USP49: variants seen among roughly 807,000 people sequenced by gnomAD.
USP49 encodes the protein ubiquitin carboxyl-terminal hydrolase 49.
USP49 carries 24 observed loss-of-function variants against 58.6 expected under a neutral mutation model. The ratio of observed to expected loss-of-function variants is 0.41; its 90% CI spans 0.30 to 0.58. The LOEUF (loss-of-function observed/expected upper bound fraction) is 0.58, where lower values mean the gene tolerates loss of function less well. USP49 is among the 20% of genes least tolerant of loss of function. The pLI is 0.30. For synonymous variants in USP49, 408 were observed against 365.1 expected, an observed-to-expected ratio of 1.12 and a Z score of -1.34; for missense variants, 703 against 866.1, an observed-to-expected ratio of 0.81 and a Z score of 2.36.
intron 5 of USP49, among the ~76,000 whole-genome samples, chr6:41,801,159 T>C (rs1405607495): frequency 6.6e-6 from 1 of 152,276 alleles, no homozygotes; most frequent in Non-Finnish European, 1.5e-5. Context: ...TCTTAGTTTC[T>C]ATCAGAAGCC....
At chr6:41,881,803 T>C (rs1453465841) in intron 2 of USP49, among the ~76,000 whole-genome samples, 1 of 152,164 alleles carries the variant, frequency 6.6e-6, no homozygotes, top group Non-Finnish European at 1.5e-5. Flanking sequence ...AAATACACTA[T>C]TCTCTTACAA....
At chr6:41,871,463 T>C (rs1445412965) in intron 3 of USP49, 101 bp downstream of exon 3, 2 of 152,210 alleles carry the variant, frequency 1.3e-5, no homozygotes, top group Admixed American at 6.5e-5. Context: ...AAACAGTAAC[T>C]GATCAATTAC....
At chr6:41,800,770 GAT>G (rs955304283) in intron 5 of USP49, among the ~76,000 whole-genome samples, 4 of 152,202 alleles carry the variant, frequency 2.6e-5, no homozygotes, top group Non-Finnish European at 4.4e-5. Flanking sequence ...ATTACTAAAT[GAT>G]AGAGTATTTA....
At position 41,806,351 on chromosome 6, in the gene USP49, C is replaced by T. The variant is rs1256399562; in HGVS notation, c.633G>A (p.Leu211=). The T allele has an allele frequency of 1.3e-6, 2 of 1,526,102 alleles. No homozygotes were observed. Among genetic ancestry groups the T allele is most frequent in the Non-Finnish European group, 1.7e-6 (2 of 1,148,128 alleles). The allele number at this position is 1,526,102 out of a possible 1,614,324, so 94.5% of individuals were successfully genotyped here. ...CCGCGTCGCGGGGCGTGTGCAGGAG[C>T]AGCCGTGCACTCTTGCGCGGAGGGG... The part of the protein sequence containing the change: ...ASTPPRKSAR[L]LLHTPRDAGP... Residue 211 remains leucine, a synonymous_variant, in exon 4 of 8, where the codon CTG becomes CTA. Coordinates refer to ENST00000682992, the MANE Select transcript of USP49 (RefSeq NM_001286554.2). This position sits in a 1 kb window ranked among gnomAD's most constrained non-coding sequence, Gnocchi z 5.9.
rs1561902644 is a variant in USP49, at chr6:41,802,457, TTTATTTATTTA to T, written c.1561+1338_1561+1348del. Reference sequence around the variant, plus strand: ...ATTTATTTATTTATTTATTTATTTATTTATTTATTTATTTTTTATTTATTTTTTTTTTTTGA... The same window carrying T: ...ATTTATTTATTTATTTATTTATTTATTTTTTTATTTATTTTTTTTTTTTGA... On this transcript the variant is annotated intron_variant, in intron 5 of 7. Coordinates refer to ENST00000682992, the MANE Select transcript of USP49 (RefSeq NM_001286554.2). Among the ~76,000 whole-genome samples, 10 of 80,392 alleles carry T rather than the reference TTTATTTATTTA, an allele frequency of 1.2e-4. 1 individual carries two copies. The highest frequency in any genetic ancestry group is 5.1e-4 in the African/African-American group (10 of 19,796). 52.7% of individuals were successfully genotyped at this position (80,392 alleles called of 152,430 possible). A position where few individuals can be genotyped will look rare whatever the true frequency, so the allele number is the denominator to read the frequency against.
chr6:41,797,462 C>G (rs1772906936), intron 7 of USP49, among the ~76,000 whole-genome samples: 1 of 152,166 alleles, frequency 6.6e-6, no homozygotes, highest in African/African-American at 2.4e-5. Flanking sequence ...GCTCTGGCTG[C>G]CCCAAGGGCT....
chr6:41,838,827 G>T (rs191065676), intron 3 of USP49, among the ~76,000 whole-genome samples: 2 of 152,128 alleles, frequency 1.3e-5, no homozygotes, highest in East Asian at 3.9e-4. Flanking sequence ...CCACATATAG[G>T]TCACAAAACA....
At chr6:41,816,443 T>C (rs537410303) in intron 3 of USP49, among the ~76,000 whole-genome samples, 136 of 152,364 alleles carry the variant, frequency 8.9e-4, no homozygotes, top group African/African-American at 3.2e-3. Flanking sequence ...CTTGTCTGGT[T>C]TGCTTCCTGT....
rs1335372178 is a variant in USP49, at chr6:41,792,112, AAG to A, written c.*4419_*4420del. The A allele has an allele frequency of 6.6e-6, 1 of 152,226 alleles. No individual in the cohort carries two copies. The allele number at this position is 152,226 out of a possible 1,614,324, so 9.4% of individuals were successfully genotyped here. A position where few individuals can be genotyped will look rare whatever the true frequency, so the allele number is the denominator to read the frequency against. ...ACTGGCTGTAAACAGCCCTGCAGTG[AAG>A]AGACTGGGTCTTAGCACCTTCCACA... On this transcript the variant is annotated 3_prime_UTR_variant, in exon 8 of 8. Transcript: ENST00000682992.
intron 3 of USP49, among the ~76,000 whole-genome samples, chr6:41,867,948 T>G (rs931486005): frequency 5.3e-5 from 8 of 152,376 alleles, no homozygotes; most frequent in Admixed American, 2.0e-4. Context: ...ATACATGATT[T>G]CAAATTTTCC....
chr6:41,820,893 C>T (rs150620182), intron 3 of USP49, among the ~76,000 whole-genome samples: 30 of 151,916 alleles, frequency 2.0e-4, no homozygotes, highest in African/African-American at 7.0e-4. Flanking sequence ...CCTAGCTACT[C>T]GGGAGACTGA....
chr6:41,852,439 A>G (rs1774047263), intron 3 of USP49, among the ~76,000 whole-genome samples: 1 of 152,252 alleles, frequency 6.6e-6, no homozygotes. Context: ...CTGTATTTAT[A>G]TACACTAACA....
chr6:41,820,755 T>C (rs911766440), intron 3 of USP49, among the ~76,000 whole-genome samples: 2 of 152,138 alleles, frequency 1.3e-5, no homozygotes, highest in Admixed American at 6.5e-5. Context: ...ATCACAGCAC[T>C]TTGGGAAGCC....
chr6:41,846,024 T>C (rs1457887297), intron 3 of USP49, among the ~76,000 whole-genome samples: 1 of 152,058 alleles, frequency 6.6e-6, no homozygotes, highest in African/African-American at 2.4e-5. Context: ...GCTTTAAAAA[T>C]AAAAATCATG....
At chr6:41,810,719 G>C (rs1251144609) in intron 3 of USP49, among the ~76,000 whole-genome samples, 1 of 150,758 alleles carries the variant, frequency 6.6e-6, no homozygotes, top group Non-Finnish European at 1.5e-5. Flanking sequence ...GCTAATTTTT[G>C]TATTTTTAGT....
chr6:41,825,504 C>T (rs1440975200), intron 3 of USP49, among the ~76,000 whole-genome samples: 1 of 151,872 alleles, frequency 6.6e-6, no homozygotes, highest in African/African-American at 2.4e-5. Context: ...TTTTTTCCAG[C>T]ATCTCTCCTA....
chr6:41,821,819 A>G (rs1773457826), intron 3 of USP49, among the ~76,000 whole-genome samples: 1 of 152,160 alleles, frequency 6.6e-6, no homozygotes, highest in East Asian at 1.9e-4. Flanking sequence ...CTATACATTT[A>G]TAAGTCTCAC....
intron 3 of USP49, among the ~76,000 whole-genome samples, chr6:41,862,253 T>A (rs1299799126): frequency 6.6e-6 from 1 of 152,202 alleles, no homozygotes; most frequent in Non-Finnish European, 1.5e-5. Context: ...CAAACTGGCC[T>A]CCAAAAGGTT....
In USP49 at chr6:41,795,789, G is replaced by A. The variant is rs1772875599; in HGVS notation, c.*744C>T. On this transcript the variant is annotated 3_prime_UTR_variant, in exon 8 of 8. Coordinates refer to ENST00000682992, the MANE Select transcript of USP49 (RefSeq NM_001286554.2). ...CCAGGAGTGTCCTTTGGCTCAGCATGGAACATGTGCTAGTCTATTGCTTCT... is the reference window on the plus strand; with the variant it reads ...CCAGGAGTGTCCTTTGGCTCAGCATAGAACATGTGCTAGTCTATTGCTTCT... 1 of 152,172 alleles carries A rather than the reference G, an allele frequency of 6.6e-6. No homozygotes were observed. The highest frequency in any genetic ancestry group is 1.5e-5 in the Non-Finnish European group (1 of 68,046). The allele number at this position is 152,172 out of a possible 1,614,324, so 9.4% of individuals were successfully genotyped here.
Sources: allele counts gnomAD v4.1 joint callset (sites outside exome capture counted in the v4.1 genomes callset), GRCh38; gene constraint gnomAD v4.1.1; non-coding constraint Gnocchi (gnomAD v3.1); transcripts MANE v1.5; gene names NCBI Gene and HGNC (gene_info 2026-07-23, HGNC 2026-07-21).